SYN3: variants seen among roughly 807,000 people sequenced by gnomAD.
SYN3 encodes the protein synapsin III.
In SYN3, 35 loss-of-function variants were observed where a neutral mutation model predicts 65.8. The ratio of observed to expected loss-of-function variants is 0.53; its 90% CI spans 0.41 to 0.70. SYN3 has a LOEUF of 0.70. Ranked by LOEUF, SYN3 falls within the 30% of genes least tolerant of loss-of-function variation. The pLI is 0.00. For synonymous variants in SYN3, 270 were observed against 292.9 expected (o/e 0.92, Z 0.80); for missense variants, 680 against 749.0 (o/e 0.91, Z 1.08).
At chr22:32,642,294 A>T (rs59354128) in intron 6 of SYN3, among the ~76,000 whole-genome samples, 24,212 of 151,614 alleles carry the variant, frequency 0.16, 2,183 homozygotes, top group African/African-American at 0.24. Context: ...CATTTAAAAA[A>T]AATAATAATA....
intron 3 of SYN3, among the ~76,000 whole-genome samples, chr22:32,932,588 G>A (rs896131966): frequency 2.0e-5 from 3 of 152,166 alleles, no homozygotes; most frequent in African/African-American, 7.2e-5. Flanking sequence ...AGATGGGGAT[G>A]TTTATGTGCC....
At chr22:32,879,496 C>T (rs1225147023) in intron 4 of SYN3, among the ~76,000 whole-genome samples, 1 of 152,168 alleles carries the variant, frequency 6.6e-6, no homozygotes, top group Non-Finnish European at 1.5e-5. Flanking sequence ...GTAGATGGCA[C>T]ATTCTCATTG....
chr22:32,778,463 A>AT (rs11410709), intron 6 of SYN3, among the ~76,000 whole-genome samples: 20,515 of 151,296 alleles, frequency 0.14, 1,400 homozygotes, highest in Middle Eastern at 0.19. Flanking sequence ...TAATTTTTGT[A>AT]TTTTTTTTTT....
At chr22:33,047,048 G>A (rs367723375) in intron 1 of SYN3, among the ~76,000 whole-genome samples, 101 of 151,806 alleles carry the variant, frequency 6.7e-4, no homozygotes, top group African/African-American at 2.2e-3. Context: ...CAAACATCAC[G>A]GCTCTACTGA....
At position 32,596,708 on chromosome 22, in the gene SYN3, A is replaced by T. The variant is rs2059205382; in HGVS notation, c.740T>A (p.Val247Asp). ...MVTAPHFPVV[V>D]KLGHAHAGMG... ...TCCAGCGTGGGCATGTCCCAGCTTG[A>T]CTACCACCGGGAAGTGTGGGGCTGT... Residue 247 changes from valine to aspartate, a missense_variant, in exon 7 of 14, where the codon GTC becomes GAC. Physicochemically the swap from Val to Asp is radical, Grantham distance 152. Transcript: ENST00000358763. 6.2e-7 allele frequency: 1 copy of T among 1,613,816 alleles called. No individual in the cohort carries two copies. The highest frequency in any genetic ancestry group is 1.1e-5 in the South Asian group (1 of 91,042).
intron 6 of SYN3, among the ~76,000 whole-genome samples, chr22:32,685,832 T>C (rs1280930311): frequency 1.3e-5 from 2 of 152,224 alleles, no homozygotes; most frequent in East Asian, 3.8e-4. Flanking sequence ...TTGAGATGTA[T>C]CTACAAATTT....
intron 3 of SYN3, among the ~76,000 whole-genome samples, chr22:32,934,803 T>G (rs115984569): frequency 1.3e-5 from 2 of 152,320 alleles, no homozygotes; most frequent in African/African-American, 4.8e-5. Context: ...TGAAATCATC[T>G]TAGACTGGTG....
chr22:32,525,338 T>G (rs78835794), intron 12 of SYN3, among the ~76,000 whole-genome samples: 10,621 of 152,164 alleles, frequency 0.07, 449 homozygotes, highest in Non-Finnish European at 0.11. Context: ...TGATAAAACT[T>G]GAATTGATGA....
chr22:32,815,878 T>A (rs2047076838), intron 6 of SYN3, among the ~76,000 whole-genome samples: 1 of 152,188 alleles, frequency 6.6e-6, no homozygotes, highest in African/African-American at 2.4e-5. Context: ...AGCTAGTATT[T>A]GAGCAGGTGT....
chr22:32,745,128 G>T (rs1402332753), intron 6 of SYN3, among the ~76,000 whole-genome samples: 2 of 152,178 alleles, frequency 1.3e-5, no homozygotes, highest in Non-Finnish European at 1.5e-5. Flanking sequence ...GGAACCAGGA[G>T]GAGCCAGGAT....
intron 7 of SYN3, among the ~76,000 whole-genome samples, chr22:32,553,225 TC>T (rs1333234058): frequency 6.6e-6 from 1 of 152,202 alleles, no homozygotes; most frequent in Non-Finnish European, 1.5e-5. Flanking sequence ...CACAATTCAG[TC>T]CAGAGCATCT....
chr22:32,523,917 C>CAT, intron 12 of SYN3, among the ~76,000 whole-genome samples: 1 of 152,222 alleles, frequency 6.6e-6, no homozygotes, highest in South Asian at 2.1e-4. Context: ...AAAACAGCCT[C>CAT]ATTGCTGATA....
intron 6 of SYN3, among the ~76,000 whole-genome samples, chr22:32,615,423 G>T (rs1477036865): frequency 1.4e-5 from 1 of 70,918 alleles, no homozygotes; most frequent in African/African-American, 7.7e-5. Context: ...GTCAGAGCAA[G>T]ACTTCATCTA....
intron 1 of SYN3, among the ~76,000 whole-genome samples, chr22:33,052,582 A>ATG (rs1263174948): frequency 1.1e-4 from 16 of 145,310 alleles, no homozygotes; most frequent in African/African-American, 4.5e-4. Flanking sequence ...CAGAAGAGGA[A>ATG]CAAAAAAAAA....
chr22:32,854,370 G>A (rs568357434), intron 6 of SYN3, among the ~76,000 whole-genome samples: 36 of 152,246 alleles, frequency 2.4e-4, no homozygotes, highest in African/African-American at 8.7e-4. Flanking sequence ...TTCTTACTGA[G>A]CAGTTCAAAT....
chr22:33,028,812 G>A (rs964045724), intron 1 of SYN3, among the ~76,000 whole-genome samples: 4 of 152,048 alleles, frequency 2.6e-5, no homozygotes, highest in South Asian at 2.1e-4. Context: ...AGGCCAAGGC[G>A]GGTGGATCAC....
At chr22:32,969,064 G>A (rs1406633295) in intron 3 of SYN3, among the ~76,000 whole-genome samples, 4 of 152,210 alleles carry the variant, frequency 2.6e-5, no homozygotes, top group African/African-American at 9.6e-5. Flanking sequence ...CTAACAGGGG[G>A]CCGTGCTGAT....
chr22:32,847,611 A>G (rs986695855), intron 6 of SYN3, among the ~76,000 whole-genome samples: 3 of 152,234 alleles, frequency 2.0e-5, no homozygotes, highest in African/African-American at 7.2e-5. Flanking sequence ...GATTTTTTAA[A>G]AACAGAGATT....
At chr22:33,039,339 A>G (rs2053919267) in intron 1 of SYN3, among the ~76,000 whole-genome samples, 1 of 149,390 alleles carries the variant, frequency 6.7e-6, no homozygotes, top group African/African-American at 2.5e-5. Flanking sequence ...TATTTATAAC[A>G]TTCTCTTACT....
Sources: allele counts gnomAD v4.1 joint callset (sites outside exome capture counted in the v4.1 genomes callset), GRCh38; gene constraint gnomAD v4.1.1; transcripts MANE v1.5; gene names NCBI Gene and HGNC (gene_info 2026-07-23, HGNC 2026-07-21).